COL4A2: variants seen among roughly 807,000 people sequenced by gnomAD.
COL4A2 encodes the protein collagen alpha-2(IV) chain.
Under a neutral mutation model 200.2 loss-of-function variants are expected in COL4A2, and 99 were observed. The observed-to-expected ratio is 0.49, with a 90% confidence interval of 0.42 to 0.58. COL4A2 has a LOEUF of 0.58. Among genes scored for constraint, COL4A2 ranks in the 20% least tolerant of loss-of-function variants. The pLI is 0.00. For synonymous variants in COL4A2, 897 were observed against 900.6 expected, an observed-to-expected ratio of 1.00 and a Z score of 0.07; for missense variants, 1,950 against 2,314.1, an observed-to-expected ratio of 0.84 and a Z score of 3.23.
intron 3 of COL4A2, among the ~76,000 whole-genome samples, chr13:110,308,606 T>C (rs1884877684): frequency 6.6e-6 from 1 of 151,992 alleles, no homozygotes; most frequent in South Asian, 2.1e-4. Context: ...GAGACAACCT[T>C]AGTATTGTTT....
intron 3 of COL4A2, among the ~76,000 whole-genome samples, chr13:110,356,568 TC>T (rs1188704488): frequency 6.6e-6 from 1 of 152,056 alleles, no homozygotes; most frequent in Non-Finnish European, 1.5e-5. Flanking sequence ...CTCTCTGGGT[TC>T]CCCGCCAGCA....
rs1882319901 is a variant in COL4A2, at chr13:110,468,083, G to T, written c.2095+987G>T. The T allele has an allele frequency of 4.6e-5, 21 of 458,162 alleles. 1 individual carries two copies. The highest frequency in any genetic ancestry group is 3.1e-4 in the South Asian group (20 of 63,638). 28.4% of individuals were successfully genotyped at this position (458,162 alleles called of 1,614,324 possible). On this transcript the variant is annotated intron_variant, in intron 27 of 47. Transcript: ENST00000360467. ...CCCTCACTGCTTCCCGTGATAAACT[G>T]TAGAGAGCGACACCAGTGTAGTATG...
chr13:110,410,859 G>A (rs958139072), intron 4 of COL4A2, among the ~76,000 whole-genome samples: 6 of 152,100 alleles, frequency 3.9e-5, no homozygotes, highest in African/African-American at 9.7e-5. Flanking sequence ...ATTCAACCCC[G>A]GTAGCACTTC....
chr13:110,351,005 T>G (rs1876931467), intron 3 of COL4A2, among the ~76,000 whole-genome samples: 1 of 152,212 alleles, frequency 6.6e-6, no homozygotes, highest in Non-Finnish European at 1.5e-5. Flanking sequence ...CTGTCCAGTG[T>G]CTTCTTTGCT....
At chr13:110,354,822 G>A (rs576500342) in intron 3 of COL4A2, among the ~76,000 whole-genome samples, 92 of 152,294 alleles carry the variant, frequency 6.0e-4, no homozygotes, top group African/African-American at 2.2e-3. Flanking sequence ...CTTGCCAGGA[G>A]GTTTTGGGTC....
chr13:110,440,033 A>G (rs1013553799), intron 16 of COL4A2, among the ~76,000 whole-genome samples, 200 bp downstream of exon 16: 7 of 152,100 alleles, frequency 4.6e-5, no homozygotes, highest in African/African-American at 1.7e-4. Context: ...CATTTTTGCA[A>G]ACTATCTTTT....
In COL4A2 at chr13:110,348,741, T is replaced by C. The variant is rs139613783; in HGVS notation, c.100-8731T>C. ...AACAATAGGTAATGTTGATCTTGTT[T>C]GTCACTTGGCGTAGGTTTTTCAGTA... On this transcript the variant is annotated intron_variant, in intron 3 of 47. Coordinates refer to ENST00000360467, the MANE Select transcript of COL4A2 (RefSeq NM_001846.4). Among the ~76,000 whole-genome samples the C allele has an allele frequency of 2.6e-5, 4 of 152,144 alleles. No homozygotes were observed. In the East Asian group the frequency reaches 7.7e-4, roughly 29 times the overall value.
At chr13:110,389,297 G>A (rs2139420479) in intron 4 of COL4A2, among the ~76,000 whole-genome samples, 1 of 152,246 alleles carries the variant, frequency 6.6e-6, no homozygotes, top group Middle Eastern at 3.4e-3. Context: ...TGTCTGTAAA[G>A]TACCATCACC....
At position 110,368,323 on chromosome 13, in the gene COL4A2, A is replaced by G. The variant is rs561599982; in HGVS notation, c.180+10771A>G. Among the ~76,000 whole-genome samples, 7 of 152,352 alleles carry G rather than the reference A, an allele frequency of 4.6e-5. No homozygotes were observed. The South Asian group carries it at 1.5e-3, about 32-fold the overall frequency. ...CATTAAAGGTATTACATACTATTGC[A>G]AAAGAAAATAATCCAACTCCCAAAA... On this transcript the variant is annotated intron_variant, in intron 4 of 47. Transcript: ENST00000360467.
chr13:110,424,269 TC>T (rs5806855), intron 4 of COL4A2, among the ~76,000 whole-genome samples: 49,923 of 150,774 alleles, frequency 0.33, 8,395 homozygotes, highest in Middle Eastern at 0.41. Flanking sequence ...CTCTTTTTTT[TC>T]CCTCTATGTG....
chr13:110,307,591 G>C lies in COL4A2; in HGVS notation c.-45+63G>C, dbSNP rs990449855. The C allele has an allele frequency of 2.5e-6, 1 of 407,142 alleles. No homozygotes were observed. Among genetic ancestry groups the C allele is most frequent in the Admixed American group, 4.2e-5 (1 of 23,794 alleles). The allele number at this position is 407,142 out of a possible 1,614,324, so 25.2% of individuals were successfully genotyped here. On this transcript the variant is annotated intron_variant, in intron 1 of 47. Transcript: ENST00000360467. The surrounding 1 kb of genome is among the most constrained non-coding windows in gnomAD (Gnocchi z 5.0). Reference sequence around the variant, plus strand: ...CGAGAGCACCGACTTGGAGCGCCTTGTGCAGGCTAGGGCTGCACGCTCTCC... The same window carrying C: ...CGAGAGCACCGACTTGGAGCGCCTTCTGCAGGCTAGGGCTGCACGCTCTCC...
chr13:110,342,337 C>A (rs1009412945), intron 3 of COL4A2, among the ~76,000 whole-genome samples: 1 of 152,142 alleles, frequency 6.6e-6, no homozygotes, highest in Non-Finnish European at 1.5e-5. Context: ...ATAGAGTCAG[C>A]ATTATATGCA....
chr13:110,421,658 A>G (rs1166763185), intron 4 of COL4A2, among the ~76,000 whole-genome samples: 1 of 152,212 alleles, frequency 6.6e-6, no homozygotes, highest in Non-Finnish European at 1.5e-5. Context: ...GTCACACAAC[A>G]TGGTGAATGC....
At chr13:110,495,847 T>C (rs1334636120) in intron 40 of COL4A2, among the ~76,000 whole-genome samples, 1 of 152,182 alleles carries the variant, frequency 6.6e-6, no homozygotes, top group Non-Finnish European at 1.5e-5. Flanking sequence ...TGACCCATAC[T>C]TGGGTAGGAA....
rs886039602 is a variant in COL4A2 at position 110,462,385 on chromosome 13, G to A, written c.1776+1G>A. Reference sequence around the variant, plus strand: ...ATTCCCCGGCCTCCCAGGCCCTCCCGTGAGTAGCCACAAACTGCGGCAGCT... The same window carrying A: ...ATTCCCCGGCCTCCCAGGCCCTCCCATGAGTAGCCACAAACTGCGGCAGCT... On this transcript the variant is annotated splice_donor_variant, in intron 24 of 47. Coordinates refer to ENST00000360467, the MANE Select transcript of COL4A2 (RefSeq NM_001846.4). LOFTEE classifies it high-confidence loss of function. 10 of 1,611,858 alleles carry A rather than the reference G, an allele frequency of 6.2e-6. No individual in the cohort carries two copies. The highest frequency in any genetic ancestry group is 5.0e-5 in the Admixed American group (3 of 60,002).
rs1431664636 is a variant in COL4A2, at chr13:110,469,343, C to G, written c.2203+19C>G. 2 of 1,557,100 alleles carry G rather than the reference C, an allele frequency of 1.3e-6. No homozygotes were observed. Among genetic ancestry groups the G allele is most frequent in the Non-Finnish European group, 1.7e-6 (2 of 1,150,092 alleles). On this transcript the variant is annotated intron_variant, in intron 28 of 47. Transcript: ENST00000360467. ...CCCCCAGGTGAGTTGAGATCAGACC[C>G]CCATTCAGCCCCTGGGTTCCAGCGG...
chr13:110,374,480 A>G (rs932331926), intron 4 of COL4A2, among the ~76,000 whole-genome samples: 1 of 152,152 alleles, frequency 6.6e-6, no homozygotes, highest in African/African-American at 2.4e-5. Flanking sequence ...AAACAAAATC[A>G]CTAAACCAAA....
In COL4A2 at chr13:110,469,212, T is replaced by G; in HGVS notation, c.2096-5T>G. ...ATGTGGTTTGTGGTTTATTTGGTTA[T>G]TTAGGTGCCAAAGGCCTCCGAGGAA... On this transcript the variant is annotated splice_polypyrimidine_tract_variant and splice_region_variant and intron_variant, in intron 27 of 47. Transcript: ENST00000360467. The G allele has an allele frequency of 6.3e-7, 1 of 1,580,940 alleles. No individual in the cohort carries two copies. Among genetic ancestry groups the G allele is most frequent in the Non-Finnish European group, 8.6e-7 (1 of 1,162,404 alleles).
Position 110,478,169 on chromosome 13 carries a change from G to C in COL4A2, c.2587+5G>C, listed in dbSNP as rs756405925. Reference sequence around the variant, plus strand: ...CAGGAATCCCAGGCCGTGAAGGTAAGACCCCAGCCCTCCCATAAACGAGTG... The same window carrying C: ...CAGGAATCCCAGGCCGTGAAGGTAACACCCCAGCCCTCCCATAAACGAGTG... On this transcript the variant is annotated splice_donor_5th_base_variant and intron_variant, in intron 30 of 47. Transcript: ENST00000360467. 17 of 1,581,692 alleles carry C rather than the reference G, an allele frequency of 1.1e-5. 1 individual carries two copies. The South Asian group carries it at 1.6e-4, about 15-fold the overall frequency.
Sources: gnomAD v4.1 joint callset for allele counts (sites outside exome capture counted in the v4.1 genomes callset) on GRCh38, gnomAD v4.1.1 for gene constraint, Gnocchi (gnomAD v3.1) non-coding constraint, MANE v1.5 for transcripts, NCBI Gene and HGNC (gene_info 2026-07-23, HGNC 2026-07-21) for gene names.